RBP4: variants seen among roughly 807,000 people sequenced by gnomAD.
RBP4 encodes the protein retinol-binding protein 4.
RBP4 carries 9 observed loss-of-function variants against 26.2 expected under a neutral mutation model. The ratio of observed to expected loss-of-function variants is 0.34; its 90% confidence interval spans 0.21 to 0.60. RBP4 has a LOEUF of 0.60. Ranked by LOEUF, RBP4 falls within the 20% of genes least tolerant of loss-of-function variation. The probability of loss-of-function intolerance (pLI) is 0.80; values close to 1 mark genes in which losing one functional copy is unlikely to be tolerated. For synonymous variants in RBP4, 114 were observed against 111.0 expected (o/e 1.03, Z -0.17); for missense variants, 244 against 271.3 (o/e 0.90, Z 0.71).
At chr10:93,592,453 A>G (rs976076976) in intron 5 of RBP4, among the ~76,000 whole-genome samples, 2 of 152,220 alleles carry the variant, frequency 1.3e-5, no homozygotes, top group African/African-American at 4.8e-5. Flanking sequence ...GAGCCAAGGC[A>G]GCCTGACCTG....
intron 5 of RBP4, among the ~76,000 whole-genome samples, chr10:93,593,322 A>G (rs1271324657): frequency 6.6e-6 from 1 of 152,202 alleles, no homozygotes; most frequent in African/African-American, 2.4e-5. Context: ...CAACTGAGGA[A>G]ACCCAGCTAG....
chr10:93,593,293 C>T (rs1451837526), intron 5 of RBP4, among the ~76,000 whole-genome samples: 1 of 152,154 alleles, frequency 6.6e-6, no homozygotes, highest in Non-Finnish European at 1.5e-5. Flanking sequence ...ATGGTTGTTC[C>T]AGAGAATCTC....
At chr10:93,601,333 G>T, upstream of RBP4, 1 of 1,230,538 alleles carries the variant, frequency 8.1e-7, no homozygotes. Flanking sequence ...GAGGCGCCGG[G>T]GGCACTTGCA....
At chr10:93,596,505 G>T (rs930210708) in intron 4 of RBP4, among the ~76,000 whole-genome samples, 3 of 152,266 alleles carry the variant, frequency 2.0e-5, no homozygotes, top group Admixed American at 6.5e-5. Context: ...GCTGGGCAGG[G>T]CTCCTCTGGA....
At chr10:93,600,072 G>A (rs1178373835) in intron 4 of RBP4, among the ~76,000 whole-genome samples, 4 of 152,214 alleles carry the variant, frequency 2.6e-5, no homozygotes, top group African/African-American at 9.7e-5. Flanking sequence ...TAGGTGGAGT[G>A]GTGATGTGAA....
At chr10:93,595,881 G>C (rs2058299590) in intron 4 of RBP4, among the ~76,000 whole-genome samples, 1 of 152,216 alleles carries the variant, frequency 6.6e-6, no homozygotes, top group Non-Finnish European at 1.5e-5. Flanking sequence ...CTGTTCCAGG[G>C]TAACAGTGTC....
chr10:93,601,265 T>G, upstream of RBP4: 1 of 1,215,086 alleles, frequency 8.2e-7, no homozygotes, highest in Non-Finnish European at 1.0e-6. Context: ...CGCTGCTTTA[T>G]AGCGCCGGGG....
chr10:93,592,344 T>C (rs1009866377), intron 5 of RBP4, among the ~76,000 whole-genome samples: 1 of 152,280 alleles, frequency 6.6e-6, no homozygotes, highest in East Asian at 1.9e-4. Flanking sequence ...GTGGAGAGAA[T>C]ATGACTTGCT....
Position 93,595,167 on chromosome 10 carries a change from T to G in RBP4, c.356-1132A>C, listed in dbSNP as rs190816373. The stretch of plus-strand genomic sequence containing the variant: ...AAATAAAAAAGAAAGAAAAAAAGAA[T>G]GTATGTGAGCGATTTGCCACAGAGA... On this transcript the variant is annotated intron_variant, in intron 4 of 5. Coordinates refer to ENST00000371464, the MANE Select transcript of RBP4 (RefSeq NM_006744.4). Among the ~76,000 whole-genome samples, 209 of 152,164 alleles carry G rather than the reference T, an allele frequency of 1.4e-3. 1 individual carries two copies. Among genetic ancestry groups the G allele is most frequent in the African/African-American group, 4.9e-3 (203 of 41,514 alleles).
Position 93,592,078 on chromosome 10 carries a change from C to G in RBP4, c.603G>C (p.Leu201Phe). ...YCDGRSERNL[L>F] ...TGAAACTAGATTCTTGATATTGCTA[C>G]AAAAGGTTTCTTTCTGATCTGCCAT... Residue 201 changes from leucine (L) to phenylalanine (F), a missense_variant, in exon 6 of 6, where the codon TTG (leucine) becomes TTC (phenylalanine). Leu to Phe is a conservative substitution (Grantham distance 22). Transcript: ENST00000371464. 1.9e-6 allele frequency: 3 copies of G among 1,613,756 alleles called. No homozygotes were observed. In the South Asian group the frequency reaches 3.3e-5, roughly 18 times the overall value.
chr10:93,592,038 T>C lies in RBP4; in HGVS notation c.*37A>G. On this transcript the variant is annotated 3_prime_UTR_variant, in exon 6 of 6. Coordinates refer to ENST00000371464, the MANE Select transcript of RBP4 (RefSeq NM_006744.4). ...AATAGAGCTGAAGACTGAGAGCTAA[T>C]CAGAAGTTCTCAGATGAAACTAGAT... The C allele has an allele frequency of 6.4e-7, 1 of 1,569,370 alleles. No individual in the cohort carries two copies. Among genetic ancestry groups the C allele is most frequent in the Non-Finnish European group, 8.8e-7 (1 of 1,139,242 alleles).
intron 5 of RBP4, among the ~76,000 whole-genome samples, chr10:93,592,942 T>C (rs564017303): frequency 1.6e-4 from 24 of 152,230 alleles, no homozygotes; most frequent in Non-Finnish European, 3.4e-4. Context: ...CTCAACCTCG[T>C]GAGCAGCTGG....
intron 4 of RBP4, 149 bp from the exon 5 acceptor site, chr10:93,594,184 C>T: frequency 1.2e-6 from 1 of 813,056 alleles, no homozygotes; most frequent in Admixed American, 2.0e-5. Flanking sequence ...AGAATTCTGA[C>T]AACTTTTATA....
At chr10:93,599,781 T>C (rs770339404) in intron 4 of RBP4, among the ~76,000 whole-genome samples, 4 of 152,176 alleles carry the variant, frequency 2.6e-5, no homozygotes, top group Non-Finnish European at 5.9e-5. Context: ...TGTTTTCTCA[T>C]GATTAGGCCA....
At chr10:93,594,527 C>T (rs76767084) in intron 4 of RBP4, among the ~76,000 whole-genome samples, 4,297 of 152,298 alleles carry the variant, frequency 0.028, 185 homozygotes, top group African/African-American at 0.094. Flanking sequence ...GGCTGCCCCC[C>T]GCTCTCTCAG....
chr10:93,600,883 C>T, intron 2 of RBP4, 35 bp downstream of exon 2: 1 of 1,609,274 alleles, frequency 6.2e-7, no homozygotes, highest in Non-Finnish European at 8.5e-7. Context: ...GGGGTGGGGA[C>T]CTGGGCCGCC....
upstream of RBP4, chr10:93,601,454 C>T: frequency 9.3e-7 from 1 of 1,076,082 alleles, no homozygotes; most frequent in Non-Finnish European, 1.3e-6. Context: ...GTGGCCTCGG[C>T]CAGGCCAAAT....
chr10:93,601,296 A>C, upstream of RBP4: 1 of 1,215,958 alleles, frequency 8.2e-7, no homozygotes, highest in Non-Finnish European at 1.0e-6. Context: ...GCGCTTTCGT[A>C]ACCGCGCGGG....
intron 5 of RBP4, 63 bp downstream of exon 5, chr10:93,593,760 G>A: frequency 6.5e-7 from 1 of 1,538,142 alleles, no homozygotes; most frequent in Non-Finnish European, 8.9e-7. Flanking sequence ...TAGCACGTGG[G>A]CCCCTTAGTC....
Sources: allele counts gnomAD v4.1 joint callset (sites outside exome capture counted in the v4.1 genomes callset), GRCh38; gene constraint gnomAD v4.1.1; transcripts MANE v1.5; gene names NCBI Gene and HGNC (gene_info 2026-07-23, HGNC 2026-07-21).